The following INPP4B variants were observed in gnomAD, a reference collection of about 807,000 sequenced individuals.
The protein encoded by INPP4B is inositol polyphosphate-4-phosphatase type II B, also known as inositol polyphosphate 4-phosphatase type II.
INPP4B carries 55 observed loss-of-function variants against 122.5 expected under a neutral mutation model. The observed-to-expected ratio is 0.45, with a 90% CI of 0.36 to 0.56. The LOEUF is 0.56. INPP4B is among the 20% of genes least tolerant of loss of function. INPP4B has a pLI of 0.00. For missense variants in INPP4B, 1,000 were observed against 1,097.7 expected (o/e 0.91, Z 1.26); for synonymous variants, 403 against 388.7 (o/e 1.04, Z -0.43).
chr4:142,803,492 T>G (rs1778280729), intron 1 of INPP4B, among the ~76,000 whole-genome samples: 1 of 151,790 alleles, frequency 6.6e-6, no homozygotes, highest in East Asian at 1.9e-4. Context: ...TTACATTTTT[T>G]TCATAAAAGA....
intron 2 of INPP4B, among the ~76,000 whole-genome samples, chr4:142,483,182 C>CTTTTTTTTTTTTTTTTTTTTTTTTTTTTT (rs5862604): frequency 2.1e-5 from 1 of 48,326 alleles, no homozygotes. Flanking sequence ...TCAGGCTATG[C>CTTTTTTTTTTTTTTTTTTTTTTTTTTTTT]TTTTTTTTTT....
intron 2 of INPP4B, among the ~76,000 whole-genome samples, chr4:142,478,208 T>C (rs767851177): frequency 2.0e-5 from 3 of 152,204 alleles, no homozygotes; most frequent in Non-Finnish European, 4.4e-5. Flanking sequence ...GGTATAGATG[T>C]ATAAAGCCTG....
intron 25 of INPP4B, among the ~76,000 whole-genome samples, chr4:142,080,671 T>C (rs1773441960): frequency 6.6e-6 from 1 of 152,142 alleles, no homozygotes; most frequent in African/African-American, 2.4e-5. Context: ...ATTTTATGTC[T>C]AATTTAAGGG....
chr4:142,357,980 T>G (rs1414840757), intron 7 of INPP4B, among the ~76,000 whole-genome samples: 1 of 152,052 alleles, frequency 6.6e-6, no homozygotes, highest in Non-Finnish European at 1.5e-5. Context: ...CTTTACATCT[T>G]CCTTTAAAAG....
chr4:142,173,822 A>G lies in INPP4B; in HGVS notation c.1182-13T>C. On this transcript the variant is annotated splice_polypyrimidine_tract_variant and intron_variant, in intron 15 of 25. Coordinates refer to ENST00000262992, the MANE Select transcript of INPP4B (RefSeq NM_001101669.3). Reference sequence around the variant, plus strand: ...CTGGTATCCGGTACTGCAACAACAAAGATAAAAATAAGTTACACAAACAGC... The same window carrying G: ...CTGGTATCCGGTACTGCAACAACAAGGATAAAAATAAGTTACACAAACAGC... 1.2e-6 allele frequency: 2 copies of G among 1,608,112 alleles called. No individual in the cohort carries two copies. Among genetic ancestry groups the G allele is most frequent in the South Asian group, 2.2e-5 (2 of 90,774 alleles).
intron 25 of INPP4B, among the ~76,000 whole-genome samples, chr4:142,051,122 T>C (rs535434832): frequency 1.3e-5 from 2 of 152,106 alleles, no homozygotes; most frequent in South Asian, 2.1e-4. Flanking sequence ...TAAGTTAAAA[T>C]AAATATATAG....
chr4:142,568,602 T>A (rs1732143614), intron 2 of INPP4B, among the ~76,000 whole-genome samples: 1 of 152,068 alleles, frequency 6.6e-6, no homozygotes, highest in Non-Finnish European at 1.5e-5. Context: ...TCCAAAAATA[T>A]CCAAATTAGA....
chr4:142,577,138 A>G (rs1734026704), intron 2 of INPP4B, among the ~76,000 whole-genome samples: 1 of 151,980 alleles, frequency 6.6e-6, no homozygotes, highest in Non-Finnish European at 1.5e-5. Flanking sequence ...CTACAATTCA[A>G]CTATATGTAC....
intron 7 of INPP4B, among the ~76,000 whole-genome samples, chr4:142,359,626 A>C (rs74953656): frequency 0.025 from 3,779 of 152,070 alleles, 166 homozygotes; most frequent in African/African-American, 0.087. Flanking sequence ...TTATCAGATA[A>C]CAAATTCTAC....
At chr4:142,325,953 C>T (rs569481955) in intron 7 of INPP4B, among the ~76,000 whole-genome samples, 6 of 152,148 alleles carry the variant, frequency 3.9e-5, no homozygotes, top group Non-Finnish European at 8.8e-5. Flanking sequence ...TGAATGGCAA[C>T]AATATCTGTA....
chr4:142,185,801 C>A (rs1264445399), intron 15 of INPP4B, among the ~76,000 whole-genome samples: 1 of 149,476 alleles, frequency 6.7e-6, no homozygotes, highest in Non-Finnish European at 1.5e-5. Flanking sequence ...ATGGTGTGAA[C>A]CTGAGAGGCG....
chr4:142,803,298 T>C (rs1053623347), intron 1 of INPP4B, among the ~76,000 whole-genome samples: 4 of 151,948 alleles, frequency 2.6e-5, no homozygotes, highest in Non-Finnish European at 5.9e-5. Flanking sequence ...TTAATAAGTA[T>C]AGATAGTGTA....
chr4:142,689,704 A>G (rs955535654), intron 2 of INPP4B, among the ~76,000 whole-genome samples: 1 of 152,196 alleles, frequency 6.6e-6, no homozygotes, highest in African/African-American at 2.4e-5. Context: ...TGGATGGTAT[A>G]AAATGACCCA....
intron 1 of INPP4B, among the ~76,000 whole-genome samples, chr4:142,837,028 T>G (rs1782871400): frequency 6.6e-6 from 1 of 151,852 alleles, no homozygotes; most frequent in Non-Finnish European, 1.5e-5. Flanking sequence ...TAGCAGGGCG[T>G]GGTGGCACGT....
rs538467910 is a variant in INPP4B, at chr4:142,316,759, T to C, written c.373-1997A>G. Among the ~76,000 whole-genome samples, 358 of 152,322 alleles carry C rather than the reference T, an allele frequency of 2.4e-3. 1 individual carries two copies. The highest frequency in any genetic ancestry group is 4.2e-3 in the Non-Finnish European group (287 of 68,022). ...ATTAATATAAAAGTATGTGTTTTAATATTGGACAAAGGTAGAAAATTTTTG... is the reference window on the plus strand; with the variant it reads ...ATTAATATAAAAGTATGTGTTTTAACATTGGACAAAGGTAGAAAATTTTTG... On this transcript the variant is annotated intron_variant, in intron 7 of 25. Coordinates refer to ENST00000262992, the MANE Select transcript of INPP4B (RefSeq NM_001101669.3).
intron 2 of INPP4B, among the ~76,000 whole-genome samples, chr4:142,687,776 C>A (rs951624999): frequency 6.6e-6 from 1 of 152,024 alleles, no homozygotes; most frequent in Non-Finnish European, 1.5e-5. Flanking sequence ...ACACTCTAAG[C>A]AGGGTGGATG....
intron 9 of INPP4B, among the ~76,000 whole-genome samples, chr4:142,278,450 T>C (rs753128932): frequency 2.0e-5 from 3 of 151,818 alleles, no homozygotes; most frequent in African/African-American, 4.8e-5. Context: ...TCCTTTTTTC[T>C]CTCTCCACTC....
intron 1 of INPP4B, among the ~76,000 whole-genome samples, chr4:142,734,393 T>C (rs115308989): frequency 6.6e-6 from 1 of 152,152 alleles, no homozygotes; most frequent in Non-Finnish European, 1.5e-5. Flanking sequence ...CACATTTATA[T>C]AAAAGTGGGA....
At chr4:142,763,133 T>C (rs548533771) in intron 1 of INPP4B, among the ~76,000 whole-genome samples, 2 of 152,316 alleles carry the variant, frequency 1.3e-5, no homozygotes, top group Admixed American at 6.5e-5. Context: ...TGGACTACAA[T>C]TGTCATCTTG....
Sources: gnomAD v4.1 joint callset for allele counts (sites outside exome capture counted in the v4.1 genomes callset) on GRCh38, gnomAD v4.1.1 for gene constraint, MANE v1.5 for transcripts, NCBI Gene and HGNC (gene_info 2026-07-23, HGNC 2026-07-21) for gene names.